The following TMEM135 variants were observed in gnomAD, a reference collection of about 807,000 sequenced individuals.
The protein encoded by TMEM135 is transmembrane protein 135.
TMEM135 carries 30 observed loss-of-function variants against 60.3 expected under a neutral mutation model. That is an observed-to-expected ratio of 0.50 (90% CI 0.37 to 0.68). TMEM135 has a LOEUF of 0.68. TMEM135 is among the 30% of genes least tolerant of loss of function. TMEM135 has a pLI of 0.00. For missense variants in TMEM135, 468 were observed against 548.8 expected (o/e 0.85, Z 1.47); for synonymous variants, 190 against 186.7 (o/e 1.02, Z -0.14).
chr11:87,172,891 A>G (rs947934904), intron 5 of TMEM135, among the ~76,000 whole-genome samples: 3 of 151,826 alleles, frequency 2.0e-5, no homozygotes, highest in African/African-American at 2.4e-5. Context: ...AAAGAATACA[A>G]TTTACATATT....
At chr11:87,114,132 C>A (rs984778013) in intron 4 of TMEM135, among the ~76,000 whole-genome samples, 3 of 151,972 alleles carry the variant, frequency 2.0e-5, no homozygotes, top group African/African-American at 7.2e-5. Flanking sequence ...GAGTTTACCT[C>A]TCATCTAGTC....
At chr11:87,081,831 A>T (rs1856999089) in intron 3 of TMEM135, among the ~76,000 whole-genome samples, 1 of 152,118 alleles carries the variant, frequency 6.6e-6, no homozygotes, top group African/African-American at 2.4e-5. Context: ...AAGTAGTTTT[A>T]TTGTTTTAAC....
intron 1 of TMEM135, among the ~76,000 whole-genome samples, 165 bp from the exon 2 acceptor site, chr11:87,067,529 T>C (rs1487082492): frequency 6.6e-6 from 1 of 152,190 alleles, no homozygotes; most frequent in Non-Finnish European, 1.5e-5. Flanking sequence ...TTCAGGTGTC[T>C]TCCTTTCTAT....
chr11:87,248,221 G>A (rs1370483311), intron 6 of TMEM135, among the ~76,000 whole-genome samples: 1 of 152,166 alleles, frequency 6.6e-6, no homozygotes, highest in Non-Finnish European at 1.5e-5. Flanking sequence ...ACACCTAGCA[G>A]TGAGATTGCT....
chr11:87,064,644 A>C (rs1856611514), intron 1 of TMEM135, among the ~76,000 whole-genome samples: 1 of 152,322 alleles, frequency 6.6e-6, no homozygotes, highest in Admixed American at 6.5e-5. Flanking sequence ...GCACTTTGGG[A>C]GGCCGAGGTG....
intron 5 of TMEM135, among the ~76,000 whole-genome samples, chr11:87,174,429 T>C (rs1485085489): frequency 6.6e-6 from 1 of 152,124 alleles, no homozygotes; most frequent in African/African-American, 2.4e-5. Flanking sequence ...TATTCTTCTG[T>C]TGTTGGTTTT....
intron 12 of TMEM135, among the ~76,000 whole-genome samples, chr11:87,315,382 A>G (rs746018332): frequency 5.9e-5 from 9 of 151,968 alleles, no homozygotes; most frequent in African/African-American, 2.2e-4. Context: ...GGTAACAGCC[A>G]TACTTCACAT....
intron 4 of TMEM135, among the ~76,000 whole-genome samples, chr11:87,097,833 T>TGA (rs1391879354): frequency 1.3e-5 from 2 of 152,340 alleles, no homozygotes; most frequent in East Asian, 3.9e-4. Context: ...GTCACTGTTG[T>TGA]GAGGCCTTCC....
intron 4 of TMEM135, among the ~76,000 whole-genome samples, chr11:87,117,378 G>A (rs2135208260): frequency 6.6e-6 from 1 of 152,278 alleles, no homozygotes; most frequent in South Asian, 2.1e-4. Context: ...ATGCAGTGCT[G>A]TTTGATAGCA....
rs183765977 is a variant in TMEM135 at position 87,251,872 on chromosome 11, A to G, written c.509+15188A>G. The stretch of plus-strand genomic sequence containing the variant: ...AGAGAGAAAGTTGACTAAATACACA[A>G]TTTCAGTAAGGACAGCATTATCTTT... On this transcript the variant is annotated intron_variant, in intron 6 of 14. Transcript: ENST00000305494. Among the ~76,000 whole-genome samples, 131 of 152,288 alleles carry G rather than the reference A, an allele frequency of 8.6e-4. 2 individuals carry two copies. Among genetic ancestry groups the G allele is most frequent in the African/African-American group, 2.6e-3 (109 of 41,552 alleles).
At chr11:87,204,441 G>A (rs1403481581) in intron 5 of TMEM135, among the ~76,000 whole-genome samples, 1 of 152,108 alleles carries the variant, frequency 6.6e-6, no homozygotes, top group Non-Finnish European at 1.5e-5. Context: ...AGGATTAGGA[G>A]TGTTGACCCC....
At chr11:87,040,268 A>G (rs1406526093) in intron 1 of TMEM135, among the ~76,000 whole-genome samples, 5 of 152,220 alleles carry the variant, frequency 3.3e-5, no homozygotes, top group Non-Finnish European at 7.3e-5. Flanking sequence ...TACTTGGAGC[A>G]TATAGCTGTT....
intron 4 of TMEM135, among the ~76,000 whole-genome samples, chr11:87,141,413 T>A (rs1938258597): frequency 6.6e-6 from 1 of 152,192 alleles, no homozygotes; most frequent in East Asian, 1.9e-4. Flanking sequence ...AAAACAATTG[T>A]GTATTGAATA....
chr11:87,289,471 T>G (rs1398453575), intron 6 of TMEM135, among the ~76,000 whole-genome samples: 59 of 116,042 alleles, frequency 5.1e-4, no homozygotes, highest in Admixed American at 3.1e-4. Context: ...TTTTTTGAGA[T>G]GTAGTTTTGC....
rs4396314 is a variant in TMEM135 at position 87,111,370 on chromosome 11, T to A, written c.396+19975T>A. ...TGTCTATCTTTGAAATTTCCTAGCC[T>A]GGCGCTGTGGCTCACGCCTGTAATC... On this transcript the variant is annotated intron_variant, in intron 4 of 14. Transcript: ENST00000305494. 1.9e-3 allele frequency among the ~76,000 whole-genome samples: 281 copies of A among 151,668 alleles called. 1 individual carries two copies. The highest frequency in any genetic ancestry group is 5.4e-3 in the African/African-American group (225 of 41,374).
At chr11:87,121,081 G>A (rs938607518) in intron 4 of TMEM135, 2 of 152,184 alleles carry the variant, frequency 1.3e-5, no homozygotes, top group African/African-American at 4.8e-5. Context: ...CAGAACAACT[G>A]CCAGAAATTG....
chr11:87,099,682 G>GTTTTTTTTTTTTTTTTTTTTTTTTGT, intron 4 of TMEM135, among the ~76,000 whole-genome samples: 1 of 109,386 alleles, frequency 9.1e-6, no homozygotes, highest in Non-Finnish European at 1.8e-5. Flanking sequence ...TTTCATGGTG[G>GTTTTTTTTTTTTTTTTTTTTTTTTGT]TTTTTTTTTT....
At chr11:87,119,295 G>A (rs1306058586) in intron 4 of TMEM135, among the ~76,000 whole-genome samples, 2 of 152,172 alleles carry the variant, frequency 1.3e-5, no homozygotes, top group Admixed American at 6.5e-5. Context: ...TGAGTGAGAT[G>A]GGGGAACAGT....
chr11:87,229,004 A>G (rs920994435), intron 5 of TMEM135, among the ~76,000 whole-genome samples: 1 of 152,176 alleles, frequency 6.6e-6, no homozygotes, highest in African/African-American at 2.4e-5. Flanking sequence ...TGTAAGACCT[A>G]TAACAGGAAA....
Sources: allele counts gnomAD v4.1 joint callset (sites outside exome capture counted in the v4.1 genomes callset), GRCh38; gene constraint gnomAD v4.1.1; transcripts MANE v1.5; gene names NCBI Gene and HGNC (gene_info 2026-07-23, HGNC 2026-07-21).